The following SCMH1 variants were observed in gnomAD, a reference collection of about 807,000 sequenced individuals.
SCMH1 encodes the protein polycomb protein SCMH1.
A neutral mutation model predicts 70.8 loss-of-function variants in SCMH1; 37 were observed. The observed-to-expected ratio is 0.52, with a 90% CI of 0.40 to 0.69. The LOEUF is 0.69. Among genes scored for constraint, SCMH1 ranks in the 30% least tolerant of loss-of-function variants. The pLI is 0.00. For missense variants in SCMH1, 607 were observed against 827.3 expected (o/e 0.73, Z 3.27); for synonymous variants, 292 against 307.4 (o/e 0.95, Z 0.52).
At chr1:41,034,536 C>T (rs11585876) in intron 13 of SCMH1, among the ~76,000 whole-genome samples, 11,875 of 152,100 alleles carry the variant, frequency 0.078, 599 homozygotes, top group South Asian at 0.13. Flanking sequence ...ACCATGTTGA[C>T]CAGGATAGTC....
At chr1:41,200,516 T>TAATATA (rs967203847) in intron 1 of SCMH1, among the ~76,000 whole-genome samples, 2 of 145,918 alleles carry the variant, frequency 1.4e-5, no homozygotes, top group Non-Finnish European at 3.0e-5. Flanking sequence ...ATAATAATAA[T>TAATATA]ATAATAATAA....
Position 41,129,842 on chromosome 1 carries a change from G to A in SCMH1, c.413-12832C>T, listed in dbSNP as rs184449500. ...TCACTATGTTGCCCAGGCTGGCCTC[G>A]AACTCCTGGGTTCAAGCGATCCTCC... On this transcript the variant is annotated intron_variant, in intron 6 of 14. Transcript: ENST00000337495. Among the ~76,000 whole-genome samples, 7 of 152,160 alleles carry A rather than the reference G, an allele frequency of 4.6e-5. No homozygotes were observed. The East Asian group carries it at 1.4e-3, about 29-fold the overall frequency.
Position 41,113,593 on chromosome 1 carries a change from T to C in SCMH1, c.502-67A>G. 3.9e-6 allele frequency: 6 copies of C among 1,525,502 alleles called. No homozygotes were observed. In the South Asian group the frequency reaches 6.6e-5, roughly 17 times the overall value. The allele number at this position is 1,525,502 out of a possible 1,614,324, so 94.5% of individuals were successfully genotyped here. A position where few individuals can be genotyped will look rare whatever the true frequency, so the allele number is the denominator to read the frequency against. On this transcript the variant is annotated intron_variant, in intron 7 of 14. Transcript: ENST00000337495. The surrounding 1 kb of genome is among the most constrained non-coding windows in gnomAD (Gnocchi z 4.3). ...AGGCCATTATGCCAATAGACTACTATCTAATTTGGATGATTAAAAAGTGAC... is the reference window on the plus strand; with the variant it reads ...AGGCCATTATGCCAATAGACTACTACCTAATTTGGATGATTAAAAAGTGAC...
chr1:41,054,678 T>C (rs1315239705), intron 10 of SCMH1, among the ~76,000 whole-genome samples: 4 of 152,164 alleles, frequency 2.6e-5, no homozygotes, highest in East Asian at 1.9e-4. Context: ...AGCAGCTGAA[T>C]AGGAAGCCCA....
chr1:41,058,450 G>A (rs373390793), intron 10 of SCMH1, among the ~76,000 whole-genome samples: 8 of 123,532 alleles, frequency 6.5e-5, no homozygotes, highest in South Asian at 5.6e-4. Flanking sequence ...GCACAATTTC[G>A]GCTCACTGCA....
intron 1 of SCMH1, among the ~76,000 whole-genome samples, chr1:41,198,475 G>T (rs1653554499): frequency 6.6e-6 from 1 of 152,186 alleles, no homozygotes; most frequent in Non-Finnish European, 1.5e-5. Flanking sequence ...GCAGTGCTTA[G>T]CAGAAGAAGT....
chr1:41,133,439 T>G lies in SCMH1; in HGVS notation c.412+9439A>C, dbSNP rs565604942. ...GAAGACAAGAAATAACTAAGGTAAG[T>G]GCAGAACTGAAGGAGATAGAAACAC... On this transcript the variant is annotated intron_variant, in intron 6 of 14. Transcript: ENST00000337495. Among the ~76,000 whole-genome samples the G allele has an allele frequency of 1.5e-3, 224 of 152,034 alleles. 2 individuals carry two copies. The highest frequency in any genetic ancestry group is 5.2e-3 in the African/African-American group (217 of 41,470).
intron 10 of SCMH1, among the ~76,000 whole-genome samples, chr1:41,055,496 C>A (rs1311097680): frequency 1.3e-5 from 2 of 152,112 alleles, no homozygotes; most frequent in Non-Finnish European, 2.9e-5. Context: ...ACTACAGGCA[C>A]CCACCACCAT....
intron 2 of SCMH1, among the ~76,000 whole-genome samples, chr1:41,173,738 TAAAG>T (rs934675157): frequency 3.9e-5 from 6 of 152,020 alleles, no homozygotes; most frequent in Non-Finnish European, 5.9e-5. Context: ...GATAAATAGA[TAAAG>T]AAAATATGGT....
At chr1:41,093,067 C>T (rs1380030826) in intron 8 of SCMH1, among the ~76,000 whole-genome samples, 15 of 151,296 alleles carry the variant, frequency 9.9e-5, no homozygotes, top group East Asian at 3.9e-4. Context: ...TAAAGACACA[C>T]GCACACATAT....
At position 41,043,589 on chromosome 1, in the gene SCMH1, AT is replaced by A. The variant is rs71062570; in HGVS notation, c.1498+2817del. 7.4e-3 allele frequency: 1,005 copies of A among 135,238 alleles called. 4 individuals carry two copies. Among genetic ancestry groups the A allele is most frequent in the Non-Finnish European group, 0.011 (677 of 62,904 alleles). 8.4% of individuals were successfully genotyped at this position (135,238 alleles called of 1,614,324 possible). A position where few individuals can be genotyped will look rare whatever the true frequency, so the allele number is the denominator to read the frequency against. On this transcript the variant is annotated intron_variant, in intron 12 of 14. Transcript: ENST00000337495. The stretch of plus-strand genomic sequence containing the variant: ...AGGTGCCTGCCACCACGCCCGGCTA[AT>A]TTTTTTTTTTTTTTTTGTATTTTTA...
chr1:41,095,470 A>G (rs1404291337), intron 8 of SCMH1, among the ~76,000 whole-genome samples: 4 of 152,094 alleles, frequency 2.6e-5, no homozygotes, highest in Admixed American at 2.0e-4. Context: ...GAAAACTGGG[A>G]AAAAAATTAG....
At chr1:41,188,423 C>A (rs1472577932) in intron 1 of SCMH1, among the ~76,000 whole-genome samples, 1 of 152,306 alleles carries the variant, frequency 6.6e-6, no homozygotes, top group African/African-American at 2.4e-5. Flanking sequence ...GTTCAATATT[C>A]CTGTTGTCCA....
chr1:41,192,399 A>G (rs544072218), intron 1 of SCMH1, among the ~76,000 whole-genome samples: 1 of 152,182 alleles, frequency 6.6e-6, no homozygotes, highest in African/African-American at 2.4e-5. Context: ...AACTTGACCA[A>G]GTTAACTTAG....
At position 41,031,385 on chromosome 1, in the gene SCMH1, C is replaced by T. The variant is rs954155815; in HGVS notation, c.1679-2659G>A. 1.4e-4 allele frequency among the ~76,000 whole-genome samples: 21 copies of T among 152,304 alleles called. No homozygotes were observed. In the South Asian group the frequency reaches 2.9e-3, roughly 21 times the overall value. ...AAAGGGCCTAATATTTAACTCTCTC[C>T]GGCAAAGGCTAAGAATCTCCTCCCA... On this transcript the variant is annotated intron_variant, in intron 13 of 14. Transcript: ENST00000337495.
chr1:41,156,953 C>CT (rs66641047), intron 4 of SCMH1, among the ~76,000 whole-genome samples: 2,604 of 110,794 alleles, frequency 0.024, 86 homozygotes, highest in East Asian at 0.11. Flanking sequence ...TATAAGCCAA[C>CT]TTTTTTTTTT....
At chr1:41,052,842 G>A (rs1042381639) in intron 10 of SCMH1, among the ~76,000 whole-genome samples, 5 of 151,922 alleles carry the variant, frequency 3.3e-5, no homozygotes, top group South Asian at 2.1e-4. Flanking sequence ...AGGGAACTTC[G>A]GGGGTGGCAG....
chr1:41,155,906 A>T (rs1221687535), intron 4 of SCMH1, among the ~76,000 whole-genome samples: 1 of 146,112 alleles, frequency 6.8e-6, no homozygotes, highest in African/African-American at 2.6e-5. Flanking sequence ...AACTGCTTGA[A>T]CCCGGGAGGT....
In SCMH1 at chr1:41,123,415, A is replaced by T. The variant is rs114822752; in HGVS notation, c.413-6405T>A. Among the ~76,000 whole-genome samples, 463 of 152,322 alleles carry T rather than the reference A, an allele frequency of 3.0e-3. 1 individual carries two copies. The highest frequency in any genetic ancestry group is 0.01 in the African/African-American group (434 of 41,574). On this transcript the variant is annotated intron_variant, in intron 6 of 14. Coordinates refer to ENST00000337495, the Ensembl canonical transcript of SCMH1. ...TGCTGGGTAAGCAGTTTACACTGAG[A>T]TCGTGACTCACTTGACTAGGGGCCT...
Sources: gnomAD v4.1 joint callset for allele counts (sites outside exome capture counted in the v4.1 genomes callset) on GRCh38, gnomAD v4.1.1 for gene constraint, Gnocchi (gnomAD v3.1) non-coding constraint, MANE v1.5 for transcripts, NCBI Gene and HGNC (gene_info 2026-07-23, HGNC 2026-07-21) for gene names.